The following ERBB4 variants were observed in gnomAD, a reference collection of about 807,000 sequenced individuals.
The protein encoded by ERBB4 is erb-b2 receptor tyrosine kinase 4, also known as receptor tyrosine-protein kinase erbB-4.
Under a neutral mutation model 158.0 loss-of-function variants are expected in ERBB4, and 42 were observed. The observed-to-expected ratio is 0.27, with a 90% CI of 0.21 to 0.34. The LOEUF (loss-of-function observed/expected upper bound fraction) is 0.34, where lower values mean the gene tolerates loss of function less well. ERBB4 is among the 10% of genes least tolerant of loss of function. ERBB4 has a pLI of 1.00. For synonymous variants in ERBB4, 583 were observed against 558.7 expected, an observed-to-expected ratio of 1.04 and a Z score of -0.61; for missense variants, 1,333 against 1,624.1, an observed-to-expected ratio of 0.82 and a Z score of 3.08.
At chr2:212,427,081 C>G (rs191278230) in intron 1 of ERBB4, among the ~76,000 whole-genome samples, 5 of 152,194 alleles carry the variant, frequency 3.3e-5, no homozygotes, top group Admixed American at 3.3e-4. Flanking sequence ...CATTCAATTC[C>G]ATTTTCTAAT....
At chr2:212,142,687 G>A (rs575070312) in intron 1 of ERBB4, among the ~76,000 whole-genome samples, 10 of 150,316 alleles carry the variant, frequency 6.7e-5, no homozygotes, top group Admixed American at 2.7e-4. Flanking sequence ...CAGAGAACAT[G>A]AATTCTCAAA....
intron 1 of ERBB4, among the ~76,000 whole-genome samples, chr2:212,466,716 C>T (rs1688853268): frequency 6.6e-6 from 1 of 152,130 alleles, no homozygotes; most frequent in African/African-American, 2.4e-5. Flanking sequence ...TAATGCAGTA[C>T]ATTGGTACCA....
At chr2:211,762,940 T>A (rs779773987) in intron 4 of ERBB4, among the ~76,000 whole-genome samples, 1 of 152,174 alleles carries the variant, frequency 6.6e-6, no homozygotes, top group Non-Finnish European at 1.5e-5. Context: ...GACTAAACCA[T>A]TCTCCTCAAG....
chr2:211,915,688 T>C (rs919334569), intron 3 of ERBB4, among the ~76,000 whole-genome samples: 6 of 151,650 alleles, frequency 4.0e-5, no homozygotes, highest in Admixed American at 1.3e-4. Context: ...AGGAAATAAG[T>C]ATTCAAAAAG....
chr2:212,056,757 C>G (rs1187776126), intron 2 of ERBB4, among the ~76,000 whole-genome samples: 1 of 152,110 alleles, frequency 6.6e-6, no homozygotes, highest in Non-Finnish European at 1.5e-5. Flanking sequence ...TAGGCCTGCC[C>G]TACAGGAGCT....
chr2:211,591,042 T>C (rs2068445770), intron 19 of ERBB4, among the ~76,000 whole-genome samples: 1 of 152,224 alleles, frequency 6.6e-6, no homozygotes, highest in South Asian at 2.1e-4. Flanking sequence ...GGATCTCTCA[T>C]GGGGTCTGTT....
At chr2:212,001,989 G>A (rs1297219447) in intron 2 of ERBB4, among the ~76,000 whole-genome samples, 1 of 151,958 alleles carries the variant, frequency 6.6e-6, no homozygotes, top group Non-Finnish European at 1.5e-5. Flanking sequence ...TATAATTTTG[G>A]CGTACATTTA....
Position 212,331,995 on chromosome 2 carries a change from T to C in ERBB4, c.82+206454A>G, listed in dbSNP as rs561828329. On this transcript the variant is annotated intron_variant, in intron 1 of 27. Coordinates refer to ENST00000342788, the MANE Select transcript of ERBB4 (RefSeq NM_005235.3). ...CAGGTCACCCATATATAAATTAGGATACCTATGGCTTTTTCGAGAAAAATT... is the reference window on the plus strand; with the variant it reads ...CAGGTCACCCATATATAAATTAGGACACCTATGGCTTTTTCGAGAAAAATT... Among the ~76,000 whole-genome samples the C allele has an allele frequency of 3.4e-3, 523 of 152,156 alleles. 2 individuals carry two copies. Among genetic ancestry groups the C allele is most frequent in the Non-Finnish European group, 5.7e-3 (390 of 67,978 alleles).
intron 20 of ERBB4, among the ~76,000 whole-genome samples, chr2:211,459,902 G>A (rs1475850695): frequency 3.3e-5 from 5 of 152,024 alleles, no homozygotes; most frequent in East Asian, 1.9e-4. Flanking sequence ...TACACACATC[G>A]TGCACTCTTG....
intron 1 of ERBB4, among the ~76,000 whole-genome samples, chr2:212,265,726 T>G (rs1298879673): frequency 2.0e-5 from 3 of 152,050 alleles, no homozygotes; most frequent in Admixed American, 6.6e-5. Flanking sequence ...CATGATACAA[T>G]AAAACCCTTC....
Position 212,068,505 on chromosome 2 carries a change from A to C in ERBB4, c.234+56247T>G, listed in dbSNP as rs193174618. 4.8e-4 allele frequency among the ~76,000 whole-genome samples: 73 copies of C among 152,146 alleles called. No individual in the cohort carries two copies. In the Middle Eastern group the frequency reaches 0.027, roughly 57 times the overall value. ...AAAGATAACAGCCAATTTCCCAAACAGGCCAGTTTAAATCTTCAGTTGGCA... is the reference window on the plus strand; with the variant it reads ...AAAGATAACAGCCAATTTCCCAAACCGGCCAGTTTAAATCTTCAGTTGGCA... On this transcript the variant is annotated intron_variant, in intron 2 of 27. Coordinates refer to ENST00000342788, the MANE Select transcript of ERBB4 (RefSeq NM_005235.3).
rs550645292 is a variant in ERBB4 at position 211,898,613 on chromosome 2, A to C, written c.421+48817T>G. Among the ~76,000 whole-genome samples the C allele has an allele frequency of 9.2e-5, 14 of 152,330 alleles. 1 individual carries two copies. The highest frequency in any genetic ancestry group is 3.1e-4 in the African/African-American group (13 of 41,588). ...CTAACCTTTCATGACACAGTGACTT[A>C]AAAATCCATTAAATGTTTTTAAAAA... On this transcript the variant is annotated intron_variant, in intron 3 of 27. Transcript: ENST00000342788.
chr2:212,360,146 T>G (rs2089630170), intron 1 of ERBB4, among the ~76,000 whole-genome samples: 1 of 151,752 alleles, frequency 6.6e-6, no homozygotes, highest in African/African-American at 2.4e-5. Flanking sequence ...TTTCTATCAC[T>G]TCAAAATGAA....
chr2:211,540,495 A>G (rs536178193), intron 20 of ERBB4, among the ~76,000 whole-genome samples: 21 of 151,938 alleles, frequency 1.4e-4, no homozygotes, highest in Middle Eastern at 3.4e-3. Flanking sequence ...AGATGATGGC[A>G]TTTTAAGCTG....
At chr2:211,843,190 G>T (rs1241041889) in intron 3 of ERBB4, among the ~76,000 whole-genome samples, 2 of 152,014 alleles carry the variant, frequency 1.3e-5, no homozygotes, top group Non-Finnish European at 2.9e-5. Flanking sequence ...TTAATGACTT[G>T]CCTCTACTGA....
At chr2:212,196,926 T>C (rs1444190882) in intron 1 of ERBB4, among the ~76,000 whole-genome samples, 4 of 152,184 alleles carry the variant, frequency 2.6e-5, no homozygotes, top group African/African-American at 9.6e-5. Context: ...ATATACCATA[T>C]GTCACGCCTC....
At chr2:212,397,081 C>T (rs942861572) in intron 1 of ERBB4, among the ~76,000 whole-genome samples, 1 of 152,110 alleles carries the variant, frequency 6.6e-6, no homozygotes, top group Admixed American at 6.6e-5. Flanking sequence ...CTTTACCATA[C>T]TTCTTCTATT....
chr2:212,337,472 G>A (rs750595353), intron 1 of ERBB4, among the ~76,000 whole-genome samples: 2 of 151,944 alleles, frequency 1.3e-5, no homozygotes, highest in Non-Finnish European at 2.9e-5. Context: ...ATTGTAGATG[G>A]CACCTGTTTC....
At chr2:211,574,678 A>G (rs562377810) in intron 19 of ERBB4, among the ~76,000 whole-genome samples, 1 of 152,362 alleles carries the variant, frequency 6.6e-6, no homozygotes, top group African/African-American at 2.4e-5. Flanking sequence ...AACATACTAG[A>G]ACTAGAATAA....
Sources: allele counts gnomAD v4.1 joint callset (sites outside exome capture counted in the v4.1 genomes callset), GRCh38; gene constraint gnomAD v4.1.1; transcripts MANE v1.5; gene names NCBI Gene and HGNC (gene_info 2026-07-23, HGNC 2026-07-21).